Variants in NOC3L observed in about 807,000 individuals in gnomAD.
The protein encoded by NOC3L is NOC3 like DNA replication regulator.
In NOC3L, 85 loss-of-function variants were observed where a neutral mutation model predicts 102.5. The ratio of observed to expected loss-of-function variants is 0.83; its 90% CI spans 0.70 to 0.99. The LOEUF (loss-of-function observed/expected upper bound fraction) is 0.99, where lower values mean the gene tolerates loss of function less well. Ranked by LOEUF, NOC3L falls within the 50% of genes least tolerant of loss-of-function variation. The probability of loss-of-function intolerance (pLI) is 0.00; values close to 1 mark genes in which losing one functional copy is unlikely to be tolerated. For synonymous variants in NOC3L, 303 were observed against 309.4 expected (o/e 0.98, Z 0.22); for missense variants, 878 against 914.9 (o/e 0.96, Z 0.52).
intron 5 of NOC3L, 37 bp downstream of exon 5, chr10:94,356,498 C>A (rs577907640): frequency 1.5e-6 from 2 of 1,333,096 alleles, no homozygotes; most frequent in South Asian, 1.2e-5. Flanking sequence ...CAAAAAAATT[C>A]TCAATTAACA....
rs767187699 is a variant in NOC3L at position 94,361,777 on chromosome 10, T to C, written c.105A>G (p.Gln35=). The change falls in exon 2 of 21, where the codon CAA becomes CAG. Residue 35 remains glutamine, a synonymous_variant. Transcript: ENST00000371361. The part of the protein sequence containing the change: ...ENKLKNKQFK[Q]QSTLKKYRKE... ...TTCGGTACTTCTTGAGAGTGCTTTGTTGTTTAAACTGCTTATTTTTTAGCT... is the reference window on the plus strand; with the variant it reads ...TTCGGTACTTCTTGAGAGTGCTTTGCTGTTTAAACTGCTTATTTTTTAGCT... 6.8e-6 allele frequency: 11 copies of C among 1,613,942 alleles called. No individual in the cohort carries two copies. Among genetic ancestry groups the C allele is most frequent in the South Asian group, 5.5e-5 (5 of 91,080 alleles).
chr10:94,325,402 C>T, the NOC3L span: 2 of 310,008 alleles, frequency 6.5e-6, no homozygotes, highest in South Asian at 3.1e-5. Context: ...TCAAGACCAG[C>T]CTGACCAACA....
chr10:94,326,872 G>T, the NOC3L span, among the ~76,000 whole-genome samples: 419 of 152,246 alleles, frequency 2.8e-3, no homozygotes, highest in African/African-American at 9.1e-3. Context: ...TAAAGCTGGG[G>T]AGGCCTGGCC....
Position 94,362,927 on chromosome 10 carries a change from T to A in NOC3L, c.-89A>T. 1.2e-6 allele frequency: 2 copies of A among 1,601,652 alleles called. No homozygotes were observed. The highest frequency in any genetic ancestry group is 8.6e-7 in the Non-Finnish European group (1 of 1,169,292). ...CCGGGGAATGACACACGTGCCGAAG[T>A]CCCTACACTACCAGAGCCGGAAACG... On this transcript the variant is annotated 5_prime_UTR_variant, in exon 1 of 21. Transcript: ENST00000371361.
In NOC3L at chr10:94,352,991, G is replaced by A. The variant is rs1159456428; in HGVS notation, c.763C>T (p.Arg255Ter). 5.6e-6 allele frequency: 9 copies of A among 1,613,624 alleles called. No individual in the cohort carries two copies. The highest frequency in any genetic ancestry group is 3.3e-5 in the South Asian group (3 of 91,054). Residue 255 changes from arginine (R) to a stop codon, truncating the protein, a stop_gained, in exon 7 of 21, where the codon CGA becomes TGA. Coordinates refer to ENST00000371361, the MANE Select transcript of NOC3L (RefSeq NM_022451.11). LOFTEE classifies it high-confidence loss of function. The stretch of plus-strand genomic sequence containing the variant: ...ATCAGAGAAACAATTACCAGCTTTC[G>A]AACAGTAACAGCCACATCAGGATCT... ...EQDPDVAVTV[R>*]KLVIVSLMEL...
intron 13 of NOC3L, among the ~76,000 whole-genome samples, chr10:94,342,613 G>C (rs1173093767): frequency 6.6e-6 from 1 of 150,716 alleles, no homozygotes; most frequent in African/African-American, 2.5e-5. Flanking sequence ...GTGCAAATAG[G>C]CGACTGACCA....
downstream of NOC3L, chr10:94,329,629 T>A (rs2054131889): frequency 6.6e-6 from 1 of 151,882 alleles, no homozygotes; most frequent in Non-Finnish European, 1.5e-5. Context: ...AGTACAAAAA[T>A]TAGCTGAGCG....
chr10:94,359,738 A>T (rs1161928176), intron 2 of NOC3L, among the ~76,000 whole-genome samples: 3 of 152,178 alleles, frequency 2.0e-5, no homozygotes, highest in Non-Finnish European at 4.4e-5. Flanking sequence ...GACAGGCAGT[A>T]ACAATGCTGG....
At chr10:94,361,450 A>G (rs1168821835) in intron 2 of NOC3L, 1 of 524,432 alleles carries the variant, frequency 1.9e-6, no homozygotes, top group Non-Finnish European at 3.3e-6. Context: ...AACTAAAAGC[A>G]GAAGCTTGAA....
chr10:94,352,063 T>C (rs1419861208), intron 8 of NOC3L, among the ~76,000 whole-genome samples: 1 of 152,150 alleles, frequency 6.6e-6, no homozygotes, highest in Non-Finnish European at 1.5e-5. Context: ...ACAATAATCC[T>C]GGAAGGTAAG....
intron 4 of NOC3L, 117 bp from the exon 5 acceptor site, chr10:94,356,708 G>A: frequency 1.5e-6 from 1 of 678,902 alleles, no homozygotes; most frequent in South Asian, 1.8e-5. Context: ...TTTATGGGAA[G>A]AGCACAATTA....
intron 14 of NOC3L, 142 bp downstream of exon 14, chr10:94,341,531 T>A (rs1309348484): frequency 5.7e-5 from 24 of 421,846 alleles, no homozygotes; most frequent in Non-Finnish European, 6.3e-5. Flanking sequence ...AATCATATGA[T>A]CATAGGCCTT....
At chr10:94,361,596 G>A (rs1412082717) in intron 2 of NOC3L, 69 bp downstream of exon 2, 6 of 1,492,144 alleles carry the variant, frequency 4.0e-6, no homozygotes, top group Non-Finnish European at 4.6e-6. Context: ...AGAAAGCAAA[G>A]TTATTTCCAT....
At position 94,360,314 on chromosome 10, in the gene NOC3L, C is replaced by CA. The variant is rs1374151999; in HGVS notation, c.217+1350dup. On this transcript the variant is annotated intron_variant, in intron 2 of 20. Coordinates refer to ENST00000371361, the MANE Select transcript of NOC3L (RefSeq NM_022451.11). ...CTGGCAACAGAGAGAGACTCCATCT[C>CA]AAAAAAAATAATAATAATAATAATA... Among the ~76,000 whole-genome samples the CA allele has an allele frequency of 1.9e-4, 29 of 150,214 alleles. No individual in the cohort carries two copies. In the East Asian group the frequency reaches 4.7e-3, roughly 24 times the overall value.
At position 94,334,222 on chromosome 10, in the gene NOC3L, TTCA is replaced by T. The variant is rs1554921753; in HGVS notation, c.2355_2357del (p.Glu786del). 2.5e-5 allele frequency: 40 copies of T among 1,606,374 alleles called. No homozygotes were observed. Among genetic ancestry groups the T allele is most frequent in the Non-Finnish European group, 3.4e-5 (40 of 1,173,352 alleles). On this transcript the variant is annotated inframe_deletion, in exon 21 of 21. Coordinates refer to ENST00000371361, the MANE Select transcript of NOC3L (RefSeq NM_022451.11). ...AATATTTCGTGAAATCCAGAGGCGATTCAGTAGCAACTTCACTGGAGTATCTTT... is the reference window on the plus strand; with the variant it reads ...AATATTTCGTGAAATCCAGAGGCGATGTAGCAACTTCACTGGAGTATCTTT...
chr10:94,331,036 A>C (rs1477896109), downstream of NOC3L: 3 of 152,218 alleles, frequency 2.0e-5, no homozygotes, highest in East Asian at 5.8e-4. Context: ...CAGTGATGCC[A>C]AATCTGTAGG....
At chr10:94,342,485 T>C (rs969460220) in intron 13 of NOC3L, among the ~76,000 whole-genome samples, 2 of 151,738 alleles carry the variant, frequency 1.3e-5, no homozygotes, top group African/African-American at 4.8e-5. Flanking sequence ...AATCTGACAA[T>C]TATTTATCAA....
At chr10:94,336,340 G>A (rs1437777604) in intron 19 of NOC3L, among the ~76,000 whole-genome samples, 1 of 151,040 alleles carries the variant, frequency 6.6e-6, no homozygotes, top group Non-Finnish European at 1.5e-5. Flanking sequence ...AGAATTCTGA[G>A]AAAATAAATT....
chr10:94,346,205 T>A (rs946527190), intron 11 of NOC3L, among the ~76,000 whole-genome samples: 1 of 152,190 alleles, frequency 6.6e-6, no homozygotes, highest in Non-Finnish European at 1.5e-5. Flanking sequence ...GGCAAAAATA[T>A]CTTTTCATCT....
Sources: allele counts gnomAD v4.1 joint callset (sites outside exome capture counted in the v4.1 genomes callset), GRCh38; gene constraint gnomAD v4.1.1; transcripts MANE v1.5; gene names NCBI Gene and HGNC (gene_info 2026-07-23, HGNC 2026-07-21).